Variants in CNTNAP2 observed in about 807,000 individuals in gnomAD.
CNTNAP2 encodes contactin associated protein 2, also known as contactin-associated protein-like 2.
Under a neutral mutation model 155.2 loss-of-function variants are expected in CNTNAP2, and 98 were observed. That is an observed-to-expected ratio of 0.63 (90% CI 0.54 to 0.75). The LOEUF (loss-of-function observed/expected upper bound fraction) is 0.75, where lower values mean the gene tolerates loss of function less well. Ranked by LOEUF, CNTNAP2 falls within the 30% of genes least tolerant of loss-of-function variation. The pLI is 0.00. For missense variants in CNTNAP2, 1,727 were observed against 1,688.1 expected, an observed-to-expected ratio of 1.02 and a Z score of -0.40; for synonymous variants, 651 against 631.2, an observed-to-expected ratio of 1.03 and a Z score of -0.47.
intron 16 of CNTNAP2, among the ~76,000 whole-genome samples, chr7:148,146,864 CAA>C (rs1563214495): frequency 6.6e-6 from 1 of 152,168 alleles, no homozygotes; most frequent in Non-Finnish European, 1.5e-5. Context: ...CCCCAACTTT[CAA>C]AAGAGTATAA....
intron 9 of CNTNAP2, among the ~76,000 whole-genome samples, chr7:147,351,341 A>C (rs1795965447): frequency 6.6e-6 from 1 of 151,744 alleles, no homozygotes; most frequent in African/African-American, 2.4e-5. Flanking sequence ...AGCTTATTAT[A>C]TTTGTTCATA....
intron 13 of CNTNAP2, among the ~76,000 whole-genome samples, chr7:147,682,433 T>C (rs1357536987): frequency 6.6e-6 from 1 of 151,972 alleles, no homozygotes; most frequent in East Asian, 1.9e-4. Context: ...TATGGTATTT[T>C]ATAATAAAGG....
intron 21 of CNTNAP2, among the ~76,000 whole-genome samples, chr7:148,305,502 G>T (rs963867829): frequency 1.3e-5 from 2 of 152,142 alleles, no homozygotes; most frequent in East Asian, 1.9e-4. Context: ...CTGCTATAAA[G>T]AACTACATGA....
chr7:146,731,854 T>G (rs28455984), intron 1 of CNTNAP2, among the ~76,000 whole-genome samples: 13,024 of 152,122 alleles, frequency 0.086, 1,831 homozygotes, highest in African/African-American at 0.3. Context: ...TAAATAATTT[T>G]TTGAAAAAAT....
At chr7:147,629,123 C>T (rs915935335) in intron 12 of CNTNAP2, among the ~76,000 whole-genome samples, 14 of 152,050 alleles carry the variant, frequency 9.2e-5, no homozygotes, top group African/African-American at 2.6e-4. Flanking sequence ...GGACATAGGC[C>T]GACCGCTGTG....
chr7:148,241,103 A>C (rs906427885), intron 20 of CNTNAP2, among the ~76,000 whole-genome samples: 1 of 152,186 alleles, frequency 6.6e-6, no homozygotes. Flanking sequence ...TAACCATCAC[A>C]CTTACTTAAT....
chr7:147,593,092 T>C (rs1482985697), intron 12 of CNTNAP2, among the ~76,000 whole-genome samples: 2 of 152,026 alleles, frequency 1.3e-5, no homozygotes, highest in South Asian at 2.1e-4. Flanking sequence ...AAAACAAACA[T>C]TACCCTTGAG....
intron 3 of CNTNAP2, among the ~76,000 whole-genome samples, chr7:146,842,208 GA>G (rs1416971467): frequency 6.6e-6 from 1 of 151,952 alleles, no homozygotes; most frequent in African/African-American, 2.4e-5. Context: ...ATATTACATA[GA>G]ATAATAATGG....
At chr7:146,663,491 C>A (rs1437206971) in intron 1 of CNTNAP2, among the ~76,000 whole-genome samples, 2 of 151,744 alleles carry the variant, frequency 1.3e-5, no homozygotes, top group Non-Finnish European at 2.9e-5. Context: ...GACAATCTAA[C>A]AATATTGAGT....
intron 1 of CNTNAP2, among the ~76,000 whole-genome samples, chr7:146,748,143 CTTTT>C (rs61495352): frequency 1.0e-5 from 1 of 98,004 alleles, no homozygotes. Flanking sequence ...CTTTTCTTTT[CTTTT>C]TTTTTTTTTT....
chr7:147,609,035 A>G (rs776594974), intron 12 of CNTNAP2, among the ~76,000 whole-genome samples: 1 of 152,172 alleles, frequency 6.6e-6, no homozygotes, highest in Non-Finnish European at 1.5e-5. Flanking sequence ...ACTTCAGGCC[A>G]TCTGGATGTA....
chr7:147,346,995 C>G (rs532382232), intron 9 of CNTNAP2, among the ~76,000 whole-genome samples: 109 of 152,170 alleles, frequency 7.2e-4, no homozygotes, highest in African/African-American at 2.4e-3. Flanking sequence ...AAAATACACA[C>G]TAGTCATTGA....
chr7:146,462,968 A>G (rs1380577241), intron 1 of CNTNAP2, among the ~76,000 whole-genome samples: 1 of 152,156 alleles, frequency 6.6e-6, no homozygotes, highest in Non-Finnish European at 1.5e-5. Flanking sequence ...TTGATGGAGG[A>G]GGAAACAATG....
intron 21 of CNTNAP2, among the ~76,000 whole-genome samples, chr7:148,314,862 G>A (rs1273676857): frequency 6.6e-6 from 1 of 152,214 alleles, no homozygotes; most frequent in Non-Finnish European, 1.5e-5. Context: ...AGGGAAGACT[G>A]TCTTCCCCAG....
At chr7:147,895,133 C>A (rs1446134109) in intron 13 of CNTNAP2, among the ~76,000 whole-genome samples, 1 of 151,662 alleles carries the variant, frequency 6.6e-6, no homozygotes, top group South Asian at 2.1e-4. Context: ...ACCACCACAG[C>A]TGGCTAATTT....
At chr7:146,644,585 A>G (rs1368287359) in intron 1 of CNTNAP2, among the ~76,000 whole-genome samples, 2 of 152,182 alleles carry the variant, frequency 1.3e-5, no homozygotes, top group African/African-American at 2.4e-5. Context: ...TTTTGCATCA[A>G]TATTCATCAA....
At chr7:148,145,355 G>C (rs1281630734) in intron 16 of CNTNAP2, among the ~76,000 whole-genome samples, 3 of 152,164 alleles carry the variant, frequency 2.0e-5, no homozygotes, top group Non-Finnish European at 2.9e-5. Context: ...AAAAAGTATA[G>C]ATATTTTCTA....
At chr7:147,440,935 G>C (rs908330852) in intron 10 of CNTNAP2, among the ~76,000 whole-genome samples, 1 of 151,956 alleles carries the variant, frequency 6.6e-6, no homozygotes, top group Non-Finnish European at 1.5e-5. Flanking sequence ...TAAAAGCCTT[G>C]AAGTAGTCTT....
intron 21 of CNTNAP2, among the ~76,000 whole-genome samples, chr7:148,284,642 A>G (rs922261879): frequency 1.3e-5 from 2 of 151,454 alleles, no homozygotes; most frequent in African/African-American, 4.9e-5. Flanking sequence ...TGCTTCCTAT[A>G]GCATAAAGAC....
Sources: allele counts gnomAD v4.1 joint callset (sites outside exome capture counted in the v4.1 genomes callset), GRCh38; gene constraint gnomAD v4.1.1; transcripts MANE v1.5; gene names NCBI Gene and HGNC (gene_info 2026-07-23, HGNC 2026-07-21).